The following SLC45A4 variants were observed in gnomAD, a reference collection of about 807,000 sequenced individuals.
SLC45A4 encodes the protein solute carrier family 45 member 4.
In SLC45A4, 32 loss-of-function variants were observed where a neutral mutation model predicts 63.7. That is an observed-to-expected ratio of 0.50 (90% CI 0.38 to 0.67). SLC45A4 has a LOEUF of 0.67. Among genes scored for constraint, SLC45A4 ranks in the 30% least tolerant of loss-of-function variants. The probability of loss-of-function intolerance (pLI) is 0.00; values close to 1 mark genes in which losing one functional copy is unlikely to be tolerated. For synonymous variants in SLC45A4, 535 were observed against 510.0 expected (o/e 1.05, Z -0.66); for missense variants, 1,027 against 1,157.7 (o/e 0.89, Z 1.64).
intron 1 of SLC45A4, among the ~76,000 whole-genome samples, 168 bp downstream of exon 1, chr8:141,307,928 C>A (rs933796915): frequency 2.0e-5 from 3 of 149,986 alleles, no homozygotes; most frequent in Non-Finnish European, 3.0e-5. Context: ...CGGGTGGGGG[C>A]ACGTCCCCTC....
In SLC45A4 at chr8:141,244,960, G is replaced by GC. The variant is rs1828102033; in HGVS notation, c.241+9028_241+9029insG. Among the ~76,000 whole-genome samples the GC allele has an allele frequency of 2.4e-5, 3 of 125,462 alleles. 1 individual carries two copies. Among genetic ancestry groups the GC allele is most frequent in the Non-Finnish European group, 3.5e-5 (2 of 56,506 alleles). 82.3% of individuals were successfully genotyped at this position (125,462 alleles called of 152,430 possible). A position where few individuals can be genotyped will look rare whatever the true frequency, so the allele number is the denominator to read the frequency against. On this transcript the variant is annotated intron_variant, in intron 2 of 8. Transcript: ENST00000517878. ...GCATTCAGCAAGAAGACGTGGGTGGGGGGGGGGGGCGGTGTGGAGGTGGAG... is the reference window on the plus strand; with the variant it reads ...GCATTCAGCAAGAAGACGTGGGTGGGCGGGGGGGGGCGGTGTGGAGGTGGAG...
intron 2 of SLC45A4, among the ~76,000 whole-genome samples, chr8:141,246,027 A>C (rs572306422): frequency 1.3e-5 from 2 of 152,148 alleles, no homozygotes; most frequent in South Asian, 2.1e-4. Context: ...TTCTTTGGGG[A>C]AGAGAGAAAG....
rs569027218 is a variant in SLC45A4, at chr8:141,223,716, C to T, written c.242-1951G>A. Among the ~76,000 whole-genome samples the T allele has an allele frequency of 6.6e-5, 10 of 152,350 alleles. No individual in the cohort carries two copies. The South Asian group carries it at 1.9e-3, about 28-fold the overall frequency. On this transcript the variant is annotated intron_variant, in intron 2 of 8. Transcript: ENST00000517878. Reference sequence around the variant, plus strand: ...ATCCACCCAGGAGGCCCCCGCCAACCCTGCGCACGCCAGGTCCTGCGTTTT... The same window carrying T: ...ATCCACCCAGGAGGCCCCCGCCAACTCTGCGCACGCCAGGTCCTGCGTTTT...
chr8:141,268,156 C>T (rs1051278504), intron 1 of SLC45A4, among the ~76,000 whole-genome samples: 35 of 152,122 alleles, frequency 2.3e-4, no homozygotes, highest in African/African-American at 8.5e-4. Flanking sequence ...ACGCCATGCA[C>T]GAAAAGATAT....
rs1447721701 is a variant in SLC45A4 at position 141,210,356 on chromosome 8, A to T, written c.*1216T>A. 6.6e-6 allele frequency: 1 copy of T among 152,274 alleles called. No homozygotes were observed. Among genetic ancestry groups the T allele is most frequent in the African/African-American group, 2.4e-5 (1 of 41,470 alleles). The allele number at this position is 152,274 out of a possible 1,614,324, so 9.4% of individuals were successfully genotyped here. A position where few individuals can be genotyped will look rare whatever the true frequency, so the allele number is the denominator to read the frequency against. On this transcript the variant is annotated 3_prime_UTR_variant, in exon 9 of 9. Transcript: ENST00000517878. The stretch of plus-strand genomic sequence containing the variant: ...AGCTGGCAGCACTTTCAGTAGTCGG[A>T]CTTGCCCTGTCCAAGCACGAGATTC...
chr8:141,227,695 G>A lies in SLC45A4; in HGVS notation c.242-5930C>T, dbSNP rs1167133807. Among the ~76,000 whole-genome samples, 1 of 152,166 alleles carries A rather than the reference G, an allele frequency of 6.6e-6. No individual in the cohort carries two copies. The highest frequency in any genetic ancestry group is 1.5e-5 in the Non-Finnish European group (1 of 68,032). ...CCCGGCACTGAGGCTCTGTGCTGGC[G>A]AGGGCCCCACAGCTGCAAGGAATGT... On this transcript the variant is annotated intron_variant, in intron 2 of 8. Coordinates refer to ENST00000517878, the MANE Select transcript of SLC45A4 (RefSeq NM_001286646.2). This position sits in a 1 kb window ranked among gnomAD's most constrained non-coding sequence, Gnocchi z 4.4.
chr8:141,221,662 G>C lies in SLC45A4; in HGVS notation c.345C>G (p.Ser115Arg), dbSNP rs1267959102. Residue 115 changes from serine to arginine, a missense_variant, in exon 3 of 9, where the codon AGC becomes AGG. Physicochemically the swap from Ser to Arg is moderately radical, Grantham distance 110 (BLOSUM62 -1). Transcript: ENST00000517878. The part of the protein sequence containing the change: ...IGSASDRCTL[S>R]WGRRRPFILA... ...GGATGAAGGGCCGCCGGCGGCCCCA[G>C]CTCAGGGTGCACCGGTCACTCGCAG... The C allele has an allele frequency of 1.2e-6, 2 of 1,613,982 alleles. No individual in the cohort carries two copies. The highest frequency in any genetic ancestry group is 4.5e-5 in the East Asian group (2 of 44,890).
chr8:141,220,917 C>A (rs866002429), intron 3 of SLC45A4, among the ~76,000 whole-genome samples: 2 of 152,256 alleles, frequency 1.3e-5, no homozygotes, highest in African/African-American at 4.8e-5. Context: ...CACCCCCACA[C>A]GCAGTCAGAG....
At chr8:141,290,758 G>A (rs1830316309) in intron 1 of SLC45A4, among the ~76,000 whole-genome samples, 1 of 152,234 alleles carries the variant, frequency 6.6e-6, no homozygotes, top group South Asian at 2.1e-4. Flanking sequence ...CGCTGCGTGT[G>A]GTCTTACCCT....
At chr8:141,243,731 C>T (rs371554027) in intron 2 of SLC45A4, among the ~76,000 whole-genome samples, 5 of 152,030 alleles carry the variant, frequency 3.3e-5, no homozygotes, top group East Asian at 3.9e-4. Flanking sequence ...TTCTGCCACC[C>T]GAGACAGCAA....
At chr8:141,246,325 C>G (rs532539936) in intron 2 of SLC45A4, among the ~76,000 whole-genome samples, 1 of 152,214 alleles carries the variant, frequency 6.6e-6, no homozygotes, top group African/African-American at 2.4e-5. Flanking sequence ...GGCCACATAC[C>G]TCCTGCGGCC....
chr8:141,260,851 G>A lies in SLC45A4; in HGVS notation c.-400-6222C>T, dbSNP rs1294546697. ...AACTATTCCAATCAATAGAAAAAGA[G>A]GGAATCCTCCCTAACTCATTTTATG... On this transcript the variant is annotated intron_variant, in intron 1 of 8. Transcript: ENST00000517878. 2.0e-5 allele frequency among the ~76,000 whole-genome samples: 3 copies of A among 152,188 alleles called. No homozygotes were observed. The East Asian group carries it at 5.8e-4, about 29-fold the overall frequency.
intron 1 of SLC45A4, among the ~76,000 whole-genome samples, chr8:141,274,271 C>T (rs1328243001): frequency 2.6e-5 from 4 of 151,954 alleles, no homozygotes; most frequent in African/African-American, 4.8e-5. Flanking sequence ...TGGTAGCTCA[C>T]GCCTGTAATC....
chr8:141,306,895 T>C (rs1162112790), intron 1 of SLC45A4, among the ~76,000 whole-genome samples: 1 of 152,118 alleles, frequency 6.6e-6, no homozygotes, highest in East Asian at 1.9e-4. Context: ...TAAACCCTCC[T>C]CGCTCCGGGT....
At chr8:141,238,352 T>C (rs1036824925) in intron 2 of SLC45A4, among the ~76,000 whole-genome samples, 1 of 152,148 alleles carries the variant, frequency 6.6e-6, no homozygotes, top group African/African-American at 2.4e-5. Context: ...TTTTAATCCC[T>C]GTGAGCGCAC....
chr8:141,235,093 G>T (rs1322631502), intron 2 of SLC45A4, among the ~76,000 whole-genome samples: 1 of 152,210 alleles, frequency 6.6e-6, no homozygotes, highest in African/African-American at 2.4e-5. Context: ...ACCACGCTCA[G>T]CTCTCCACCC....
chr8:141,232,827 C>T (rs1458862092), intron 2 of SLC45A4, among the ~76,000 whole-genome samples: 1 of 152,230 alleles, frequency 6.6e-6, no homozygotes, highest in Non-Finnish European at 1.5e-5. Context: ...GCAACGGGAA[C>T]ACACGCACTC....
At position 141,218,122 on chromosome 8, in the gene SLC45A4, C is replaced by T; in HGVS notation, c.1518G>A (p.Arg506=). ...LLWLSMLKMP[R]ELMRLCLCHL... Reference sequence around the variant, plus strand: ...GGCAGAGGCACAGCCGCATCAGCTCCCTGGGCATCTTCAGCATGGAGAGCC... The same window carrying T: ...GGCAGAGGCACAGCCGCATCAGCTCTCTGGGCATCTTCAGCATGGAGAGCC... The change falls in exon 5 of 9, where the codon AGG becomes AGA. Residue 506 remains arginine, a synonymous_variant. Transcript: ENST00000517878. 2 of 1,612,106 alleles carry T rather than the reference C, an allele frequency of 1.2e-6. No individual in the cohort carries two copies. Among genetic ancestry groups the T allele is most frequent in the Non-Finnish European group, 8.5e-7 (1 of 1,179,976 alleles).
At chr8:141,258,687 A>G (rs1362426050) in intron 1 of SLC45A4, among the ~76,000 whole-genome samples, 1 of 152,132 alleles carries the variant, frequency 6.6e-6, no homozygotes, top group Non-Finnish European at 1.5e-5. Context: ...GTTGAAGACC[A>G]GCCTGGGCAA....
Sources: gnomAD v4.1 joint callset for allele counts (sites outside exome capture counted in the v4.1 genomes callset) on GRCh38, gnomAD v4.1.1 for gene constraint, Gnocchi (gnomAD v3.1) non-coding constraint, MANE v1.5 for transcripts, NCBI Gene and HGNC (gene_info 2026-07-23, HGNC 2026-07-21) for gene names.